Variants in VRK1 observed in about 807,000 individuals in gnomAD.
The protein encoded by VRK1 is VRK serine/threonine kinase 1.
In VRK1, 33 loss-of-function variants were observed where a neutral mutation model predicts 57.1. That is an observed-to-expected ratio of 0.58 (90% confidence interval 0.44 to 0.77). VRK1 has a LOEUF of 0.77. Among genes scored for constraint, VRK1 ranks in the 30% least tolerant of loss-of-function variants. The pLI, the probability that VRK1 is intolerant of heterozygous loss-of-function variation, is 0.00. For missense variants in VRK1, 413 were observed against 477.3 expected (o/e 0.87, Z 1.25); for synonymous variants, 137 against 147.8 (o/e 0.93, Z 0.53).
chr14:96,838,824 C>T (rs1887331207), intron 3 of VRK1, among the ~76,000 whole-genome samples: 1 of 152,184 alleles, frequency 6.6e-6, no homozygotes, highest in Admixed American at 6.6e-5. Context: ...TATATTTTAT[C>T]TCTTAGGAGT....
At chr14:96,876,830 T>C (rs982046435) in intron 12 of VRK1, among the ~76,000 whole-genome samples, 6 of 151,888 alleles carry the variant, frequency 4.0e-5, no homozygotes, top group African/African-American at 4.8e-5. Flanking sequence ...AAGTCATTTT[T>C]CTGAGATGGC....
chr14:96,862,178 T>C (rs1888417793), intron 11 of VRK1, among the ~76,000 whole-genome samples: 2 of 151,188 alleles, frequency 1.3e-5, no homozygotes, highest in South Asian at 4.2e-4. Context: ...GCAGGTTGGC[T>C]GACTTTACAG....
At chr14:96,816,906 G>C (rs925273140) in intron 1 of VRK1, among the ~76,000 whole-genome samples, 1 of 152,160 alleles carries the variant, frequency 6.6e-6, no homozygotes, top group African/African-American at 2.4e-5. Flanking sequence ...GGATAAATTT[G>C]AACCCTTCTT....
chr14:96,872,119 T>C (rs1888845945), intron 11 of VRK1, among the ~76,000 whole-genome samples: 1 of 152,206 alleles, frequency 6.6e-6, no homozygotes, highest in South Asian at 2.1e-4. Flanking sequence ...GCAGGATATT[T>C]TTAGATTATT....
chr14:96,820,959 CT>C (rs1403909906), intron 1 of VRK1, among the ~76,000 whole-genome samples: 2 of 152,116 alleles, frequency 1.3e-5, no homozygotes, highest in Non-Finnish European at 2.9e-5. Context: ...GGAAGAGACA[CT>C]TTTTTCCCTA....
intron 12 of VRK1, among the ~76,000 whole-genome samples, 164 bp downstream of exon 12, chr14:96,876,284 G>C (rs143905193): frequency 1.9e-4 from 29 of 152,304 alleles, no homozygotes; most frequent in African/African-American, 6.3e-4. Flanking sequence ...ACACAGGTTA[G>C]ATTATTTTCT....
At position 96,836,743 on chromosome 14, in the gene VRK1, G is replaced by A. The variant is rs142098136; in HGVS notation, c.161-1019G>A. ...GGGTTTCACCTTGTTGGCCAGGCTG[G>A]TCTCGGAACTCCTGACCTCAGGTGA... On this transcript the variant is annotated intron_variant, in intron 2 of 12. Coordinates refer to ENST00000216639, the MANE Select transcript of VRK1 (RefSeq NM_003384.3). 5.1e-3 allele frequency among the ~76,000 whole-genome samples: 772 copies of A among 152,042 alleles called. 7 individuals carry two copies. The highest frequency in any genetic ancestry group is 7.5e-3 in the Non-Finnish European group (511 of 67,970).
rs1889250806 is a variant in VRK1 at position 96,881,306 on chromosome 14, G to GGT, written c.*100_*101dup. On this transcript the variant is annotated 3_prime_UTR_variant, in exon 13 of 13. Coordinates refer to ENST00000216639, the MANE Select transcript of VRK1 (RefSeq NM_003384.3). ...TTTTATTTTCCTGTGAGTCTTGCGA[G>GGT]GTGGAAGTAATGATTAAATACTCAT... 2.7e-6 allele frequency: 3 copies of GGT among 1,119,834 alleles called. No homozygotes were observed. The South Asian group carries it at 4.2e-5, about 16-fold the overall frequency. The allele number at this position is 1,119,834 out of a possible 1,614,324, so 69.4% of individuals were successfully genotyped here.
At chr14:96,869,720 A>G (rs77299093) in intron 11 of VRK1, among the ~76,000 whole-genome samples, 7,148 of 152,222 alleles carry the variant, frequency 0.047, 192 homozygotes, top group Non-Finnish European at 0.062. Context: ...ATACGAGAAG[A>G]TAATAGTACT....
intron 1 of VRK1, among the ~76,000 whole-genome samples, chr14:96,805,897 A>G (rs1885855099): frequency 6.6e-6 from 1 of 151,210 alleles, no homozygotes; most frequent in Non-Finnish European, 1.5e-5. Flanking sequence ...ACTTGTCTAG[A>G]TCTTTTTTTC....
intron 1 of VRK1, among the ~76,000 whole-genome samples, chr14:96,806,236 C>T (rs1020253580): frequency 2.0e-5 from 3 of 152,202 alleles, no homozygotes; most frequent in Admixed American, 1.3e-4. Context: ...TGAGCTTTCA[C>T]GCCTATGGAT....
rs549829554 is a variant in VRK1 at position 96,880,223 on chromosome 14, T to C, written c.1160-954T>C. ...CTTCATGTTAAGTAACTAAAACCCA[T>C]GATCAGAAAACCTTTAGATACACAT... On this transcript the variant is annotated intron_variant, in intron 12 of 12. Transcript: ENST00000216639. Among the ~76,000 whole-genome samples the C allele has an allele frequency of 8.4e-4, 128 of 152,328 alleles. No homozygotes were observed. In the South Asian group the frequency reaches 0.013, roughly 16 times the overall value.
At chr14:96,802,454 A>G (rs201706964) in intron 1 of VRK1, among the ~76,000 whole-genome samples, 2 of 152,250 alleles carry the variant, frequency 1.3e-5, no homozygotes, top group Non-Finnish European at 2.9e-5. Flanking sequence ...TCATGCAGCA[A>G]CTTGGTTGGA....
chr14:96,819,672 C>T (rs1397573777), intron 1 of VRK1, among the ~76,000 whole-genome samples: 4 of 152,060 alleles, frequency 2.6e-5, no homozygotes, highest in South Asian at 4.1e-4. Context: ...TGTAAAAATC[C>T]GTGTTTTGGG....
intron 11 of VRK1, among the ~76,000 whole-genome samples, chr14:96,864,826 C>A (rs1458590690): frequency 6.6e-6 from 1 of 151,744 alleles, no homozygotes. Context: ...AATTTAATCT[C>A]CTTGAAAAAT....
At chr14:96,810,083 G>A (rs1566684667) in intron 1 of VRK1, among the ~76,000 whole-genome samples, 1 of 152,126 alleles carries the variant, frequency 6.6e-6, no homozygotes, top group Non-Finnish European at 1.5e-5. Flanking sequence ...CTGATAATTT[G>A]AGCACTTCTT....
At chr14:96,866,490 C>T (rs1888590917) in intron 11 of VRK1, among the ~76,000 whole-genome samples, 1 of 152,184 alleles carries the variant, frequency 6.6e-6, no homozygotes, top group Admixed American at 6.5e-5. Flanking sequence ...TTTATGTTCT[C>T]TTTTCTCAAC....
In VRK1 at chr14:96,846,122, A is replaced by C; in HGVS notation, c.244A>C (p.Thr82Pro). ...VEPSDNGPLF[T>P]ELKFYQRAAK... ...ACCCAGTGACAATGGACCTCTTTTT[A>C]CTGAATTAAAGTTCTACCAACGAGC... is the stretch of plus-strand genomic sequence containing the variant. Residue 82 changes from threonine to proline, a missense_variant, in exon 4 of 13, where the codon ACT (threonine) becomes CCT (proline). This residue lies in a region of VRK1 where 116 missense variants were observed against 113.6 expected (regional missense o/e 1.02). Coordinates refer to ENST00000216639, the MANE Select transcript of VRK1 (RefSeq NM_003384.3). The C allele has an allele frequency of 6.2e-7, 1 of 1,613,484 alleles. No homozygotes were observed. Among genetic ancestry groups the C allele is most frequent in the Non-Finnish European group, 8.5e-7 (1 of 1,179,580 alleles).
chr14:96,812,565 C>T (rs2139699365), intron 1 of VRK1, among the ~76,000 whole-genome samples: 1 of 152,204 alleles, frequency 6.6e-6, no homozygotes, highest in Admixed American at 6.5e-5. Context: ...AAATGTCTGT[C>T]CAAATCCTTT....
Sources: allele counts gnomAD v4.1 joint callset (sites outside exome capture counted in the v4.1 genomes callset), GRCh38; gene constraint gnomAD v4.1.1; regional missense constraint gnomAD v4.1.1; transcripts MANE v1.5; gene names NCBI Gene and HGNC (gene_info 2026-07-23, HGNC 2026-07-21).